Variants in SMAD6 observed in about 807,000 individuals in gnomAD.
The protein encoded by SMAD6 is SMAD family member 6, also known as MAD homolog 6.
In SMAD6, 103 loss-of-function variants were observed where a neutral mutation model predicts 39.4. The observed-to-expected ratio is 2.62, with a 90% CI of 2.23 to 3.08. The LOEUF is 3.08. Among genes scored for constraint, SMAD6 ranks in the 30% most tolerant of loss-of-function variants. SMAD6 has a pLI of 0.00. For synonymous variants in SMAD6, 445 were observed against 353.3 expected (o/e 1.26, Z -2.91); for missense variants, 1,104 against 742.9 (o/e 1.49, Z -5.65).
chr15:66,742,011 T>G (rs1361012536), intron 3 of SMAD6, among the ~76,000 whole-genome samples: 1 of 152,154 alleles, frequency 6.6e-6, no homozygotes, highest in Non-Finnish European at 1.5e-5. Context: ...GGGGAGAGAT[T>G]GCCCTGTTTC....
intron 3 of SMAD6, among the ~76,000 whole-genome samples, chr15:66,750,468 C>G (rs1454979429): frequency 6.6e-6 from 1 of 152,198 alleles, no homozygotes; most frequent in African/African-American, 2.4e-5. Flanking sequence ...AGCCCTGTAC[C>G]TGGTGTGGGG....
At position 66,703,823 on chromosome 15, in the gene SMAD6, G is replaced by A; in HGVS notation, c.565G>A (p.Asp189Asn). The A allele has an allele frequency of 7.0e-7, 1 of 1,421,526 alleles. No individual in the cohort carries two copies. The highest frequency in any genetic ancestry group is 1.4e-5 in the South Asian group (1 of 70,730). 88.1% of individuals were successfully genotyped at this position (1,421,526 alleles called of 1,614,324 possible). A position where few individuals can be genotyped will look rare whatever the true frequency, so the allele number is the denominator to read the frequency against. ...LLKRLKERSL[D>N]TLLEAVESRG... ...GAAGCGGCTCAAGGAGCGCTCGCTG[G>A]ACACGCTGCTGGAGGCGGTGGAGTC... Residue 189 changes from aspartate to asparagine, a missense_variant, in exon 1 of 4, where the codon GAC becomes AAC. Asp to Asn is a conservative substitution (Grantham distance 23). Coordinates refer to ENST00000288840, the MANE Select transcript of SMAD6 (RefSeq NM_005585.5).
chr15:66,754,192 G>C (rs1000372609), intron 3 of SMAD6, among the ~76,000 whole-genome samples: 1 of 152,224 alleles, frequency 6.6e-6, no homozygotes, highest in Non-Finnish European at 1.5e-5. Flanking sequence ...GCCACTCTCA[G>C]TAAGTGGGCC....
intron 3 of SMAD6, among the ~76,000 whole-genome samples, chr15:66,726,882 TA>T (rs199817146): frequency 1.1e-4 from 17 of 151,528 alleles, no homozygotes; most frequent in Admixed American, 2.6e-4. Context: ...TTTTTTTTTT[TA>T]AATTCCCCAG....
intron 3 of SMAD6, among the ~76,000 whole-genome samples, chr15:66,779,390 AC>A (rs201300013): frequency 6.6e-6 from 1 of 151,762 alleles, no homozygotes; most frequent in East Asian, 1.9e-4. Context: ...GACTTGGATT[AC>A]CCCCCAGCAG....
chr15:66,746,259 G>T (rs1212263371), intron 3 of SMAD6, among the ~76,000 whole-genome samples: 3 of 152,238 alleles, frequency 2.0e-5, no homozygotes, highest in Admixed American at 1.3e-4. Context: ...CCTTTGTGAA[G>T]CGGGAGTTTT....
intron 3 of SMAD6, among the ~76,000 whole-genome samples, chr15:66,756,306 T>A (rs1894098439): frequency 6.6e-6 from 1 of 152,120 alleles, no homozygotes; most frequent in Non-Finnish European, 1.5e-5. Context: ...CCCTTTGCAG[T>A]CATGCTGTCA....
chr15:66,761,585 G>A (rs555123935), intron 3 of SMAD6, among the ~76,000 whole-genome samples: 73 of 152,302 alleles, frequency 4.8e-4, no homozygotes, highest in Non-Finnish European at 9.1e-4. Flanking sequence ...TCCGTTCCTT[G>A]GGCCTGGTGG....
At position 66,771,376 on chromosome 15, in the gene SMAD6, G is replaced by GA. The variant is rs566199422; in HGVS notation, c.953-9618dup. On this transcript the variant is annotated intron_variant, in intron 3 of 3. Transcript: ENST00000288840. ...GAATACTGCAAGAGATAAAAGAATG[G>GA]AAACCTTACCCATCACAGCCCAGGC... 8.7e-4 allele frequency among the ~76,000 whole-genome samples: 133 copies of GA among 152,314 alleles called. No individual in the cohort carries two copies. In the Middle Eastern group the frequency reaches 0.01, roughly 12 times the overall value.
chr15:66,758,003 C>T (rs1487004582), intron 3 of SMAD6, among the ~76,000 whole-genome samples: 1 of 152,138 alleles, frequency 6.6e-6, no homozygotes, highest in South Asian at 2.1e-4. Context: ...ATGGAGTGGG[C>T]GTGGGACCCT....
intron 3 of SMAD6, among the ~76,000 whole-genome samples, chr15:66,745,513 G>A (rs892374903): frequency 1.3e-5 from 2 of 152,120 alleles, no homozygotes; most frequent in African/African-American, 4.8e-5. Context: ...CGGGTCAAGG[G>A]GAAAAGGGCT....
At chr15:66,743,987 G>T (rs370186449) in intron 3 of SMAD6, among the ~76,000 whole-genome samples, 7 of 151,790 alleles carry the variant, frequency 4.6e-5, no homozygotes, top group Non-Finnish European at 1.0e-4. Context: ...AAACATTGCC[G>T]CTTGGTGAGC....
chr15:66,725,080 G>A lies in SMAD6; in HGVS notation c.952+8582G>A, dbSNP rs572659496. Among the ~76,000 whole-genome samples the A allele has an allele frequency of 3.1e-4, 47 of 152,316 alleles. No homozygotes were observed. In the South Asian group the frequency reaches 5.0e-3, roughly 16 times the overall value. ...TCTGTAACAATCGGGAACTGCGCTCGAAAGTTTCCTTGTCAGGGTAGAGTG... is the reference window on the plus strand; with the variant it reads ...TCTGTAACAATCGGGAACTGCGCTCAAAAGTTTCCTTGTCAGGGTAGAGTG... On this transcript the variant is annotated intron_variant, in intron 3 of 3. Coordinates refer to ENST00000288840, the MANE Select transcript of SMAD6 (RefSeq NM_005585.5).
intron 3 of SMAD6, among the ~76,000 whole-genome samples, chr15:66,722,143 G>A (rs1022890479): frequency 6.6e-6 from 1 of 152,130 alleles, no homozygotes; most frequent in African/African-American, 2.4e-5. Context: ...CAAACATGCC[G>A]AGTGGACATA....
At chr15:66,761,091 T>G (rs973947813) in intron 3 of SMAD6, among the ~76,000 whole-genome samples, 8 of 152,198 alleles carry the variant, frequency 5.3e-5, no homozygotes, top group Non-Finnish European at 1.0e-4. Context: ...TATTTTTCAG[T>G]TGAGGAAGCT....
At chr15:66,708,895 T>C (rs2140592006) in intron 1 of SMAD6, among the ~76,000 whole-genome samples, 1 of 152,338 alleles carries the variant, frequency 6.6e-6, no homozygotes, top group South Asian at 2.1e-4. Flanking sequence ...CACTGAATGG[T>C]ATATTTTTAA....
chr15:66,711,696 G>T lies in SMAD6; in HGVS notation c.846G>T (p.Leu282=), dbSNP rs1893232054. The change falls in exon 2 of 4, where the codon CTG becomes CTT. Residue 282 remains leucine (L), a synonymous_variant. Transcript: ENST00000288840. ...PESPPPPYSR[L]SPRDEYKPLD... ...CTCCGCCACCTCCCTACTCTCGGCT[G>T]TCTCCTCGCGACGAGTACAAGCCAC... is the stretch of plus-strand genomic sequence containing the variant. 1 of 1,613,752 alleles carries T rather than the reference G, an allele frequency of 6.2e-7. No homozygotes were observed. Among genetic ancestry groups the T allele is most frequent in the Middle Eastern group, 1.6e-4 (1 of 6,062 alleles).
At chr15:66,763,156 G>GAGCC (rs1283475777) in intron 3 of SMAD6, among the ~76,000 whole-genome samples, 1 of 152,248 alleles carries the variant, frequency 6.6e-6, no homozygotes, top group African/African-American at 2.4e-5. Flanking sequence ...AGAACTAGGA[G>GAGCC]ATGGAAGGTG....
At chr15:66,748,165 G>A (rs762650264) in intron 3 of SMAD6, among the ~76,000 whole-genome samples, 5 of 151,680 alleles carry the variant, frequency 3.3e-5, no homozygotes, top group Non-Finnish European at 7.4e-5. Flanking sequence ...ACCAAGCATG[G>A]CTTAATTGAA....
Sources: allele counts gnomAD v4.1 joint callset (sites outside exome capture counted in the v4.1 genomes callset), GRCh38; gene constraint gnomAD v4.1.1; transcripts MANE v1.5; gene names NCBI Gene and HGNC (gene_info 2026-07-23, HGNC 2026-07-21).